The following ITPR1 variants were observed in gnomAD, a reference collection of about 807,000 sequenced individuals.
The protein encoded by ITPR1 is inositol 1,4,5-trisphosphate receptor type 1, also known as inositol 1,4,5-trisphosphate-gated calcium channel ITPR1.
ITPR1 carries 96 observed loss-of-function variants against 318.4 expected under a neutral mutation model. The ratio of observed to expected loss-of-function variants is 0.30; its 90% CI spans 0.26 to 0.36. ITPR1 has a LOEUF of 0.36. Ranked by LOEUF, ITPR1 falls within the 10% of genes least tolerant of loss-of-function variation. The pLI is 1.00. For synonymous variants in ITPR1, 1,312 were observed against 1,289.9 expected (o/e 1.02, Z -0.37); for missense variants, 2,440 against 3,460.2 (o/e 0.71, Z 7.40).
intron 53 of ITPR1, 137 bp downstream of exon 53, chr3:4,795,324 T>A: frequency 1.4e-6 from 1 of 701,254 alleles, no homozygotes. Flanking sequence ...GAGGAGATTG[T>A]AGCTGTTACC....
chr3:4,589,435 G>A (rs2090197665), intron 4 of ITPR1, among the ~76,000 whole-genome samples: 1 of 152,036 alleles, frequency 6.6e-6, no homozygotes. Flanking sequence ...ACATTAACTG[G>A]GAGCTTTTTA....
intron 4 of ITPR1, among the ~76,000 whole-genome samples, chr3:4,575,372 G>C (rs990374771): frequency 4.6e-5 from 7 of 152,148 alleles, no homozygotes; most frequent in Non-Finnish European, 1.0e-4. Context: ...AGAGTAAATG[G>C]GTTCAATCCT....
At chr3:4,745,849 A>G (rs1188039051) in intron 44 of ITPR1, among the ~76,000 whole-genome samples, 1 of 152,124 alleles carries the variant, frequency 6.6e-6, no homozygotes, top group African/African-American at 2.4e-5. Flanking sequence ...CTCGTGTTCC[A>G]TAGCTTTCTC....
chr3:4,829,238 C>T (rs1405395995), intron 60 of ITPR1, among the ~76,000 whole-genome samples: 1 of 152,204 alleles, frequency 6.6e-6, no homozygotes, highest in African/African-American at 2.4e-5. Context: ...ATACACACAA[C>T]TGAAACTCTT....
At chr3:4,521,632 T>A (rs1429810219) in intron 4 of ITPR1, among the ~76,000 whole-genome samples, 1 of 152,162 alleles carries the variant, frequency 6.6e-6, no homozygotes, top group African/African-American at 2.4e-5. Flanking sequence ...TGGAGATTGC[T>A]AGAGCCTGGG....
intron 12 of ITPR1, among the ~76,000 whole-genome samples, chr3:4,657,874 G>A (rs1463417780): frequency 1.3e-5 from 2 of 152,110 alleles, no homozygotes; most frequent in South Asian, 2.1e-4. Flanking sequence ...CCAAGTGCTG[G>A]GATTACAGGT....
chr3:4,545,792 G>T (rs973167480), intron 4 of ITPR1, among the ~76,000 whole-genome samples: 2 of 150,832 alleles, frequency 1.3e-5, no homozygotes, highest in Non-Finnish European at 2.9e-5. Flanking sequence ...CAGCCTCCTG[G>T]GCTCAAGTGA....
chr3:4,622,117 T>C (rs1311363037), intron 4 of ITPR1, among the ~76,000 whole-genome samples: 25 of 148,710 alleles, frequency 1.7e-4, no homozygotes, highest in Non-Finnish European at 3.0e-5. Flanking sequence ...GACTTTTTTT[T>C]TTTTTTTTTT....
At chr3:4,504,343 G>C (rs1345807227) in intron 2 of ITPR1, among the ~76,000 whole-genome samples, 1 of 152,160 alleles carries the variant, frequency 6.6e-6, no homozygotes, top group Non-Finnish European at 1.5e-5. Flanking sequence ...TATTATACTA[G>C]AGAATCACTC....
At chr3:4,629,038 G>A (rs188041855) in intron 5 of ITPR1, among the ~76,000 whole-genome samples, 20 of 147,526 alleles carry the variant, frequency 1.4e-4, no homozygotes, top group Admixed American at 1.3e-3. Context: ...TCACCTCAGG[G>A]AGCTTACAGT....
chr3:4,552,345 C>T (rs1379190160), intron 4 of ITPR1, among the ~76,000 whole-genome samples: 3 of 152,292 alleles, frequency 2.0e-5, no homozygotes, highest in Non-Finnish European at 2.9e-5. Context: ...GCCTCTGGAA[C>T]GTCTGACTGA....
rs766428566 is a variant in ITPR1, at chr3:4,746,327, C to T, written c.5544+10973C>T. Among the ~76,000 whole-genome samples the T allele has an allele frequency of 3.7e-4, 56 of 152,328 alleles. 1 individual carries two copies. The Middle Eastern group carries it at 0.017, about 46-fold the overall frequency. Reference sequence around the variant, plus strand: ...CCATGGCCACCCTGATGGAACCCATCAGTGCCTCACGTGGTCTGGCCCCAC... The same window carrying T: ...CCATGGCCACCCTGATGGAACCCATTAGTGCCTCACGTGGTCTGGCCCCAC... On this transcript the variant is annotated intron_variant, in intron 44 of 61. Coordinates refer to ENST00000649015, the MANE Select transcript of ITPR1 (RefSeq NM_001378452.1).
intron 31 of ITPR1, among the ~76,000 whole-genome samples, chr3:4,690,709 C>A (rs1341534754): frequency 6.6e-6 from 1 of 152,138 alleles, no homozygotes; most frequent in Non-Finnish European, 1.5e-5. Context: ...CTCCAAATGC[C>A]CTTCCACCAT....
chr3:4,677,768 G>C (rs898366351), intron 24 of ITPR1, among the ~76,000 whole-genome samples: 1 of 152,084 alleles, frequency 6.6e-6, no homozygotes, highest in Admixed American at 6.5e-5. Context: ...ATGGTGAATA[G>C]GAATGATCAT....
intron 44 of ITPR1, among the ~76,000 whole-genome samples, chr3:4,754,076 G>T: frequency 6.8e-6 from 1 of 147,680 alleles, no homozygotes; most frequent in African/African-American, 2.5e-5. Context: ...GATTATTCTT[G>T]GCATCTGTAT....
chr3:4,496,588 A>G (rs1319888392), intron 2 of ITPR1, among the ~76,000 whole-genome samples: 1 of 152,242 alleles, frequency 6.6e-6, no homozygotes. Context: ...GTTGCTTAGA[A>G]AAAAAGAGAT....
At position 4,504,504 on chromosome 3, in the gene ITPR1, C is replaced by A. The variant is rs371488324; in HGVS notation, c.-17+9998C>A. Among the ~76,000 whole-genome samples the A allele has an allele frequency of 5.9e-5, 9 of 152,182 alleles. No individual in the cohort carries two copies. In the East Asian group the frequency reaches 1.7e-3, roughly 29 times the overall value. On this transcript the variant is annotated intron_variant, in intron 2 of 61. Coordinates refer to ENST00000649015, the MANE Select transcript of ITPR1 (RefSeq NM_001378452.1). The stretch of plus-strand genomic sequence containing the variant: ...TATGCTCCCAGAGAAGTGCTTTTTG[C>A]AAGAGAATAAATTATCTGATGATGG...
chr3:4,803,702 G>A (rs1223826477), intron 54 of ITPR1, among the ~76,000 whole-genome samples: 1 of 152,168 alleles, frequency 6.6e-6, no homozygotes, highest in East Asian at 1.9e-4. Context: ...TCTATGGGCT[G>A]TCTAGTTCTT....
In ITPR1 at chr3:4,748,543, C is replaced by T. The variant is rs536156377; in HGVS notation, c.5544+13189C>T. On this transcript the variant is annotated intron_variant, in intron 44 of 61. Coordinates refer to ENST00000649015, the MANE Select transcript of ITPR1 (RefSeq NM_001378452.1). ...CAATTGTTAGAGGAGAGCTTGTCCC[C>T]GACAGAAGAAAGGCTCTTCCTCAGT... 1.3e-4 allele frequency among the ~76,000 whole-genome samples: 20 copies of T among 152,100 alleles called. No homozygotes were observed. The East Asian group carries it at 3.1e-3, about 23-fold the overall frequency.
Sources: gnomAD v4.1 joint callset for allele counts (sites outside exome capture counted in the v4.1 genomes callset) on GRCh38, gnomAD v4.1.1 for gene constraint, MANE v1.5 for transcripts, NCBI Gene and HGNC (gene_info 2026-07-23, HGNC 2026-07-21) for gene names.